Variants in SPEN observed in about 807,000 individuals in gnomAD.
SPEN encodes spen family transcriptional repressor, also known as msx2-interacting protein.
In SPEN, 18 loss-of-function variants were observed where a neutral mutation model predicts 269.9. The observed-to-expected ratio is 0.07, with a 90% CI of 0.05 to 0.10. The LOEUF (loss-of-function observed/expected upper bound fraction) is 0.10. Ranked by LOEUF, SPEN falls within the 10% of genes least tolerant of loss-of-function variation. The probability of loss-of-function intolerance (pLI) is 1.00; values close to 1 mark genes in which losing one functional copy is unlikely to be tolerated. For missense variants in SPEN, 3,822 were observed against 4,631.2 expected (o/e 0.83, Z 5.07); for synonymous variants, 1,726 against 1,765.7 (o/e 0.98, Z 0.56).
chr1:15,892,267 G>T (rs2070798058), intron 3 of SPEN, among the ~76,000 whole-genome samples: 6 of 151,862 alleles, frequency 4.0e-5, no homozygotes. Context: ...CTCGTGATCC[G>T]CCCACCTCTG....
intron 3 of SPEN, among the ~76,000 whole-genome samples, chr1:15,882,536 T>G (rs1483430467): frequency 6.6e-6 from 1 of 151,100 alleles, no homozygotes; most frequent in Non-Finnish European, 1.5e-5. Context: ...GGTGGGCGCC[T>G]GTAATCCCAG....
At position 15,935,822 on chromosome 1, in the gene SPEN, T is replaced by C; in HGVS notation, c.9582T>C (p.Asp3194=). The change falls in exon 11 of 15, where the codon GAT becomes GAC. Residue 3194 remains aspartate, a synonymous_variant. Transcript: ENST00000375759. The surrounding 1 kb of genome is among the most constrained non-coding windows in gnomAD (Gnocchi z 7.7). ...YRLHPYTVPR[D]VRIMVHPHVT... ...TGCACCCCTATACTGTGCCACGGGA[T>C]GTGAGGATCATGGTGCATCCACATG... is the stretch of plus-strand genomic sequence containing the variant. 6.2e-7 allele frequency: 1 copy of C among 1,613,862 alleles called. No homozygotes were observed. Among genetic ancestry groups the C allele is most frequent in the Non-Finnish European group, 8.5e-7 (1 of 1,180,006 alleles).
chr1:15,938,893 C>G lies in SPEN; in HGVS notation c.10863+17C>G, dbSNP rs1249327811. ...TCCAATCAGGTCGGTTGTCCTGTGTCCTTCCTTCACATGTACACCCACAGG... is the reference window on the plus strand; with the variant it reads ...TCCAATCAGGTCGGTTGTCCTGTGTGCTTCCTTCACATGTACACCCACAGG... On this transcript the variant is annotated intron_variant, in intron 14 of 14. Coordinates refer to ENST00000375759, the MANE Select transcript of SPEN (RefSeq NM_015001.3). 2.5e-6 allele frequency: 4 copies of G among 1,610,364 alleles called. No individual in the cohort carries two copies. The Admixed American group carries it at 6.7e-5, about 27-fold the overall frequency.
At chr1:15,878,176 A>G (rs1388233613) in intron 3 of SPEN, among the ~76,000 whole-genome samples, 2 of 152,168 alleles carry the variant, frequency 1.3e-5, no homozygotes, top group East Asian at 3.8e-4. Flanking sequence ...TGTTAATCCC[A>G]CATGTCCTGC....
Position 15,931,496 on chromosome 1 carries a change from G to A in SPEN, c.5256G>A (p.Glu1752=). 2 of 1,614,152 alleles carry A rather than the reference G, an allele frequency of 1.2e-6. No individual in the cohort carries two copies. The highest frequency in any genetic ancestry group is 1.7e-6 in the Non-Finnish European group (2 of 1,180,034). Residue 1752 remains glutamate (E), a synonymous_variant, in exon 11 of 15, where the codon GAG becomes GAA. Coordinates refer to ENST00000375759, the MANE Select transcript of SPEN (RefSeq NM_015001.3). This position sits in a 1 kb window ranked among gnomAD's most constrained non-coding sequence, Gnocchi z 4.8. ...AGGCAGAGAGCAACGTAGATCCAGA[G>A]CCTGACAGTACCCAGCCACTTTCAA... ...FSQAESNVDP[E]PDSTQPLSKP...
intron 1 of SPEN, among the ~76,000 whole-genome samples, chr1:15,855,293 A>AT (rs1479049237): frequency 6.6e-6 from 1 of 152,128 alleles, no homozygotes; most frequent in Non-Finnish European, 1.5e-5. Flanking sequence ...TATACATTGT[A>AT]TTGACTTTGA....
chr1:15,926,674 G>A (rs1395960437), intron 10 of SPEN, among the ~76,000 whole-genome samples: 1 of 151,144 alleles, frequency 6.6e-6, no homozygotes, highest in Non-Finnish European at 1.5e-5. Flanking sequence ...GTGCCTTTAT[G>A]GGGCTTAAGT....
intron 6 of SPEN, among the ~76,000 whole-genome samples, chr1:15,918,210 CAG>C (rs2071083034): frequency 6.6e-6 from 1 of 152,144 alleles, no homozygotes; most frequent in Admixed American, 6.5e-5. Context: ...TTAATCTTCT[CAG>C]ATATCATATT....
At chr1:15,856,718 C>T (rs1199026664) in intron 1 of SPEN, among the ~76,000 whole-genome samples, 19 of 151,816 alleles carry the variant, frequency 1.3e-4, no homozygotes, top group Non-Finnish European at 5.9e-5. Flanking sequence ...CAGGCGCCCA[C>T]CACCATGCCC....
chr1:15,853,310 C>T (rs1303596019), intron 1 of SPEN, among the ~76,000 whole-genome samples: 1 of 151,604 alleles, frequency 6.6e-6, no homozygotes, highest in East Asian at 1.9e-4. Flanking sequence ...CCATAGCCTC[C>T]TGAGTAGCTG....
At chr1:15,885,973 C>G (rs1237522670) in intron 3 of SPEN, among the ~76,000 whole-genome samples, 1 of 152,054 alleles carries the variant, frequency 6.6e-6, no homozygotes, top group Non-Finnish European at 1.5e-5. Flanking sequence ...GCCAACCAAG[C>G]CTTTTTTGTG....
At chr1:15,897,709 G>C (rs2070856421) in intron 3 of SPEN, among the ~76,000 whole-genome samples, 1 of 152,076 alleles carries the variant, frequency 6.6e-6, no homozygotes. Flanking sequence ...ATATTGGTCA[G>C]GATGGTCTCA....
Position 15,931,203 on chromosome 1 carries a change from G to A in SPEN, c.4963G>A (p.Glu1655Lys). The A allele has an allele frequency of 6.2e-7, 1 of 1,614,182 alleles. No individual in the cohort carries two copies. The highest frequency in any genetic ancestry group is 8.5e-7 in the Non-Finnish European group (1 of 1,180,040). ...TCTAGAATCAGCCCCATCAGCACTA[G>A]AGAAGACCACTGGTGACAAAACGGT... ...VTLESAPSALEKTTGDKTVEA... is the reference protein window; with the variant it reads ...VTLESAPSALKKTTGDKTVEA... Residue 1655 changes from glutamate (E) to lysine (K), a missense_variant, in exon 11 of 15, where the codon GAG becomes AAG. Coordinates refer to ENST00000375759, the MANE Select transcript of SPEN (RefSeq NM_015001.3). The surrounding 1 kb of genome is among the most constrained non-coding windows in gnomAD (Gnocchi z 4.8).
intron 3 of SPEN, 180 bp downstream of exon 3, chr1:15,876,858 A>C (rs896577033): frequency 1.2e-5 from 7 of 598,658 alleles, no homozygotes; most frequent in Non-Finnish European, 2.1e-5. Flanking sequence ...ACTCGAAGTT[A>C]AGTGATGATT....
Position 15,891,800 on chromosome 1 carries a change from AC to A in SPEN, c.881+15124del, listed in dbSNP as rs552753397. On this transcript the variant is annotated intron_variant, in intron 3 of 14. Coordinates refer to ENST00000375759, the MANE Select transcript of SPEN (RefSeq NM_015001.3). Reference sequence around the variant, plus strand: ...CCGCTGTACCTGGGCTAATATAAAAACCATTAAGAAAAACTAATGTCATGGT... The same window carrying A: ...CCGCTGTACCTGGGCTAATATAAAAACATTAAGAAAAACTAATGTCATGGT... Among the ~76,000 whole-genome samples, 441 of 151,856 alleles carry A rather than the reference AC, an allele frequency of 2.9e-3. 6 individuals carry two copies. Among genetic ancestry groups the A allele is most frequent in the African/African-American group, 0.01 (426 of 41,448 alleles).
intron 1 of SPEN, among the ~76,000 whole-genome samples, chr1:15,857,786 C>T (rs758424015): frequency 2.0e-5 from 3 of 152,042 alleles, no homozygotes; most frequent in Non-Finnish European, 4.4e-5. Flanking sequence ...TTAGCCTTCT[C>T]AGTATCTGGG....
At chr1:15,905,666 G>A (rs905652509) in intron 3 of SPEN, among the ~76,000 whole-genome samples, 1 of 151,874 alleles carries the variant, frequency 6.6e-6, no homozygotes, top group East Asian at 1.9e-4. Flanking sequence ...TCCACCTCCC[G>A]GGTTCAAGCA....
Position 15,934,313 on chromosome 1 carries a change from C to A in SPEN, c.8073C>A (p.Asn2691Lys), listed in dbSNP as rs759970944. ...TGAGCACCCCTGCTGGGCCCGTGAA[C>A]GTCCTGAAAGGGCCTGTGAATGTTC... is the stretch of plus-strand genomic sequence containing the variant. ...SLVSTPAGPV[N>K]VLKGPVNVLT... The change falls in exon 11 of 15, where the codon AAC becomes AAA. Residue 2691 changes from asparagine (N) to lysine (K), a missense_variant. Physicochemically the swap from Asn to Lys is moderately conservative, Grantham distance 94. This residue lies in a region of SPEN where 329 missense variants were observed against 431.2 expected (regional missense o/e 0.76). Coordinates refer to ENST00000375759, the MANE Select transcript of SPEN (RefSeq NM_015001.3). The surrounding 1 kb of genome is among the most constrained non-coding windows in gnomAD (Gnocchi z 9.2). 2 of 1,614,058 alleles carry A rather than the reference C, an allele frequency of 1.2e-6. No homozygotes were observed. The highest frequency in any genetic ancestry group is 1.1e-5 in the South Asian group (1 of 91,084).
rs1293112617 is a variant in SPEN at position 15,929,490 on chromosome 1, C to T, written c.3250C>T (p.Leu1084=). The T allele has an allele frequency of 6.2e-7, 1 of 1,613,292 alleles. No individual in the cohort carries two copies. The highest frequency in any genetic ancestry group is 1.3e-5 in the African/African-American group (1 of 74,774). The change falls in exon 11 of 15, where the codon CTA becomes TTA. Residue 1084 remains leucine, a synonymous_variant. Coordinates refer to ENST00000375759, the MANE Select transcript of SPEN (RefSeq NM_015001.3). This position sits in a 1 kb window ranked among gnomAD's most constrained non-coding sequence, Gnocchi z 5.8. ...GTCTGGCTCAAGGCCCAGCTCAGAC[C>T]TACAAGCAAGACTGGGAGAACTAGC... ...VGSGSRPSSD[L]QARLGELAGE...
Sources: allele counts gnomAD v4.1 joint callset (sites outside exome capture counted in the v4.1 genomes callset), GRCh38; gene constraint gnomAD v4.1.1; regional missense constraint gnomAD v4.1.1; non-coding constraint Gnocchi (gnomAD v3.1); transcripts MANE v1.5; gene names NCBI Gene and HGNC (gene_info 2026-07-23, HGNC 2026-07-21).